Variants in PCYT2 observed in about 807,000 individuals in gnomAD.
The protein encoded by PCYT2 is ethanolamine-phosphate cytidylyltransferase.
A neutral mutation model predicts 50.0 loss-of-function variants in PCYT2; 33 were observed. That is an observed-to-expected ratio of 0.66 (90% confidence interval 0.50 to 0.88). The LOEUF (loss-of-function observed/expected upper bound fraction) is 0.88. PCYT2 is among the 40% of genes least tolerant of loss of function. The pLI, the probability that PCYT2 is intolerant of heterozygous loss-of-function variation, is 0.00. For missense variants in PCYT2, 430 were observed against 519.7 expected, an observed-to-expected ratio of 0.83 and a Z score of 1.68; for synonymous variants, 240 against 203.7, an observed-to-expected ratio of 1.18 and a Z score of -1.52.
In PCYT2 at chr17:81,910,784, C is replaced by T. The variant is rs571693561; in HGVS notation, c.89+483G>A. ...TGACAACCCGAAACTTTTCTTAAAA[C>T]AATGCCCTCTGACTGGCCAGGGAAG... is the stretch of plus-strand genomic sequence containing the variant. On this transcript the variant is annotated intron_variant, in intron 1 of 12. Transcript: ENST00000538936. 52 of 620,160 alleles carry T rather than the reference C, an allele frequency of 8.4e-5. No individual in the cohort carries two copies. The African/African-American group carries it at 1.0e-3, about 12-fold the overall frequency. 38.4% of individuals were successfully genotyped at this position (620,160 alleles called of 1,614,324 possible). A position where few individuals can be genotyped will look rare whatever the true frequency, so the allele number is the denominator to read the frequency against.
chr17:81,907,856 C>T lies in PCYT2; in HGVS notation c.409G>A (p.Glu137Lys). The change falls in exon 5 of 13, where the codon GAA (glutamate) becomes AAA (lysine). Residue 137 changes from glutamate to lysine, a missense_variant and splice_region_variant. Around this residue, in one of 4 missense-constraint regions of PCYT2, gnomAD observed 117 missense variants for 163.9 expected, o/e 0.71. Coordinates refer to ENST00000538936, the MANE Select transcript of PCYT2 (RefSeq NM_002861.5). Reference protein sequence around the residue: ...EEVKQAGRYRECKRTQGVSTT... With the variant: ...EEVKQAGRYRKCKRTQGVSTT... ...GACACCCCTTGCGTGCGCTTGCATT[C>T]TCTGGGGGACACAGTGGGAGTGGGG... 1 of 1,605,186 alleles carries T rather than the reference C, an allele frequency of 6.2e-7. No homozygotes were observed. Among genetic ancestry groups the T allele is most frequent in the Non-Finnish European group, 8.5e-7 (1 of 1,174,888 alleles).
Position 81,909,057 on chromosome 17 carries a change from G to T in PCYT2, c.179-20C>A, listed in dbSNP as rs767506702. On this transcript the variant is annotated intron_variant, in intron 2 of 12. Transcript: ENST00000538936. ...TCTCCTCTAGGAAAAGGACAACGGGGAGACTGGGGACCCCAGCCCACCCGG... is the reference window on the plus strand; with the variant it reads ...TCTCCTCTAGGAAAAGGACAACGGGTAGACTGGGGACCCCAGCCCACCCGG... 3.1e-6 allele frequency: 5 copies of T among 1,606,212 alleles called. No homozygotes were observed. The highest frequency in any genetic ancestry group is 4.3e-6 in the Non-Finnish European group (5 of 1,175,756).
intron 7 of PCYT2, 79 bp from the exon 8 acceptor site, chr17:81,906,625 C>G: frequency 6.4e-7 from 1 of 1,572,810 alleles, no homozygotes. Flanking sequence ...AGGGCCTCCC[C>G]GCCATCCTCC....
chr17:81,902,821 G>T lies in PCYT2; in HGVS notation c.*2012C>A. On this transcript the variant is annotated 3_prime_UTR_variant, in exon 13 of 13. Coordinates refer to ENST00000538936, the MANE Select transcript of PCYT2 (RefSeq NM_002861.5). ...CCACTCGGTGACCCCAGGCCCCTCC[G>T]GCGCGGGATGGCGCCCCAGGTCTCC... The T allele has an allele frequency of 7.4e-7, 1 of 1,352,758 alleles. No individual in the cohort carries two copies. The highest frequency in any genetic ancestry group is 1.4e-5 in the South Asian group (1 of 71,254). 83.8% of individuals were successfully genotyped at this position (1,352,758 alleles called of 1,614,324 possible).
chr17:81,906,718 C>A lies in PCYT2; in HGVS notation c.676+42G>T. The A allele has an allele frequency of 3.1e-6, 5 of 1,606,940 alleles. No individual in the cohort carries two copies. The East Asian group carries it at 1.1e-4, about 36-fold the overall frequency. On this transcript the variant is annotated intron_variant, in intron 7 of 12. Transcript: ENST00000538936. ...CAAGTGAGGCCCCCGGGTCCCACCCCATGTGGCACATGTAGGGGAGCAGCA... is the reference window on the plus strand; with the variant it reads ...CAAGTGAGGCCCCCGGGTCCCACCCAATGTGGCACATGTAGGGGAGCAGCA...
rs756321485 is a variant in PCYT2, at chr17:81,908,955, G to A, written c.261C>T (p.Asp87=). Reference sequence around the variant, plus strand: ...CGTAGGGAGCCGCTGGCACCACCTCGTCCACCCATTTGATGGCCTGCACCA... The same window carrying A: ...CGTAGGGAGCCGCTGGCACCACCTCATCCACCCATTTGATGGCCTGCACCA... ...YKMVQAIKWV[D]EVVPAAPYVT... Residue 87 remains aspartate, a synonymous_variant, in exon 3 of 13, where the codon GAC becomes GAT. Transcript: ENST00000538936. The A allele has an allele frequency of 3.5e-5, 56 of 1,613,820 alleles. No individual in the cohort carries two copies. The highest frequency in any genetic ancestry group is 9.9e-5 in the South Asian group (9 of 91,088).
At chr17:81,906,954 C>T (rs1420823098) in intron 6 of PCYT2, 56 bp from the exon 7 acceptor site, 22 of 1,559,574 alleles carry the variant, frequency 1.4e-5, no homozygotes, top group Non-Finnish European at 1.7e-5. Context: ...GTGCTGCCCT[C>T]ACCAGGTCAC....
Position 81,906,906 on chromosome 17 carries a change from C to T in PCYT2, c.538-8G>A. ...GTTCCGCCCACCAGGGCACTGCAAG[C>T]CAAGAGAGGGAGCAGGTTGGCGGGG... On this transcript the variant is annotated splice_polypyrimidine_tract_variant and splice_region_variant and intron_variant, in intron 6 of 12. Transcript: ENST00000538936. 6.2e-7 allele frequency: 1 copy of T among 1,611,664 alleles called. No individual in the cohort carries two copies. The highest frequency in any genetic ancestry group is 8.5e-7 in the Non-Finnish European group (1 of 1,179,156).
At position 81,911,314 on chromosome 17, in the gene PCYT2, C is replaced by G; in HGVS notation, c.42G>C (p.Gln14His). 2.6e-6 allele frequency: 3 copies of G among 1,132,938 alleles called. No individual in the cohort carries two copies. Among genetic ancestry groups the G allele is most frequent in the Non-Finnish European group, 3.3e-6 (3 of 911,240 alleles). The allele number at this position is 1,132,938 out of a possible 1,614,324, so 70.2% of individuals were successfully genotyped here. Reference sequence around the variant, plus strand: ...CGGCGCGCCTGCCCCCCGGGCCCGGCTGCTCTGCGCCGCCTGCAGCCCCGC... The same window carrying G: ...CGGCGCGCCTGCCCCCCGGGCCCGGGTGCTCTGCGCCGCCTGCAGCCCCGC... ...NGRGAAGGAEQPGPGGRRAVR... is the reference protein window; with the variant it reads ...NGRGAAGGAEHPGPGGRRAVR... Residue 14 changes from glutamine (Q) to histidine (H), a missense_variant, in exon 1 of 13, where the codon CAG (glutamine) becomes CAC (histidine). By Grantham distance (24) the Gln-to-His change is conservative. Coordinates refer to ENST00000538936, the MANE Select transcript of PCYT2 (RefSeq NM_002861.5).
Position 81,902,514 on chromosome 17 carries a change from G to A in PCYT2, c.*2319C>T. On this transcript the variant is annotated 3_prime_UTR_variant, in exon 13 of 13. Transcript: ENST00000538936. Reference sequence around the variant, plus strand: ...CCCCGGAGCTGCAACTGCACCCCAGGCTGCGGAGCCTCGTGAGTCCGGCGT... The same window carrying A: ...CCCCGGAGCTGCAACTGCACCCCAGACTGCGGAGCCTCGTGAGTCCGGCGT... 1 of 1,444,674 alleles carries A rather than the reference G, an allele frequency of 6.9e-7. No homozygotes were observed. The highest frequency in any genetic ancestry group is 9.0e-7 in the Non-Finnish European group (1 of 1,105,622). 89.5% of individuals were successfully genotyped at this position (1,444,674 alleles called of 1,614,324 possible). A position where few individuals can be genotyped will look rare whatever the true frequency, so the allele number is the denominator to read the frequency against.
chr17:81,907,674 G>C, intron 5 of PCYT2, 76 bp from the exon 6 acceptor site: 8 of 1,597,510 alleles, frequency 5.0e-6, no homozygotes, highest in Non-Finnish European at 6.8e-6. Context: ...TGGGGATGGG[G>C]AGCAGTGGGC....
In PCYT2 at chr17:81,911,309, C is replaced by T; in HGVS notation, c.47G>A (p.Gly16Asp). The T allele has an allele frequency of 8.8e-7, 1 of 1,136,524 alleles. No individual in the cohort carries two copies. Among genetic ancestry groups the T allele is most frequent in the Non-Finnish European group, 1.1e-6 (1 of 913,304 alleles). The allele number at this position is 1,136,524 out of a possible 1,614,324, so 70.4% of individuals were successfully genotyped here. Residue 16 changes from glycine (G) to aspartate (D), a missense_variant, in exon 1 of 13, where the codon GGC becomes GAC. Physicochemically the swap from Gly to Asp is moderately conservative, Grantham distance 94. This residue lies in a region of PCYT2 where 63 missense variants were observed against 37.5 expected (regional missense o/e 1.68). Coordinates refer to ENST00000538936, the MANE Select transcript of PCYT2 (RefSeq NM_002861.5). ...CCTCACGGCGCGCCTGCCCCCCGGG[C>T]CCGGCTGCTCTGCGCCGCCTGCAGC... ...RGAAGGAEQP[G>D]PGGRRAVRVW...
Position 81,904,746 on chromosome 17 carries a change from G to A in PCYT2, c.*87C>T, listed in dbSNP as rs1163914044. 4.7e-6 allele frequency: 4 copies of A among 852,004 alleles called. No homozygotes were observed. Among genetic ancestry groups the A allele is most frequent in the Non-Finnish European group, 7.2e-6 (4 of 555,324 alleles). 52.8% of individuals were successfully genotyped at this position (852,004 alleles called of 1,614,324 possible). A position where few individuals can be genotyped will look rare whatever the true frequency, so the allele number is the denominator to read the frequency against. ...AGCCCTTCCAGAGCCAGGCCAGTTAGAGAGGGCGGCCCTGCAGAGTCCTAT... is the reference window on the plus strand; with the variant it reads ...AGCCCTTCCAGAGCCAGGCCAGTTAAAGAGGGCGGCCCTGCAGAGTCCTAT... On this transcript the variant is annotated 3_prime_UTR_variant, in exon 13 of 13. Coordinates refer to ENST00000538936, the MANE Select transcript of PCYT2 (RefSeq NM_002861.5).
intron 11 of PCYT2, 62 bp from the exon 12 acceptor site, chr17:81,905,216 G>T: frequency 6.9e-7 from 1 of 1,449,900 alleles, no homozygotes; most frequent in Non-Finnish European, 9.5e-7. Flanking sequence ...AGACCCATCT[G>T]ATGCCCTGCC....
At chr17:81,906,626 G>T (rs907024598) in intron 7 of PCYT2, 80 bp from the exon 8 acceptor site, 90 of 1,570,744 alleles carry the variant, frequency 5.7e-5, no homozygotes, top group Non-Finnish European at 7.4e-5. Flanking sequence ...GGGCCTCCCC[G>T]CCATCCTCCC....
Position 81,905,398 on chromosome 17 carries a change from C to T in PCYT2, c.953G>A (p.Gly318Asp), listed in dbSNP as rs1277175463. The T allele has an allele frequency of 1.3e-6, 2 of 1,561,390 alleles. No individual in the cohort carries two copies. The highest frequency in any genetic ancestry group is 1.7e-6 in the Non-Finnish European group (2 of 1,152,736). The change falls in exon 11 of 13, where the codon GGC (glycine) becomes GAC (aspartate). Residue 318 changes from glycine to aspartate, a missense_variant. Physicochemically the swap from Gly to Asp is moderately conservative, Grantham distance 94. Around this residue, in one of 4 missense-constraint regions of PCYT2, gnomAD observed 248 missense variants for 300.2 expected, o/e 0.83. Transcript: ENST00000538936. ...GKTEIIPDRD[G>D]SDPYQEPKRR... is the part of the protein sequence containing the mutation. ...ATGACCCACCTGGTATGGGTCGGAG[C>T]CATCCCTGTCAGGGATAATTTCTGT...
intron 1 of PCYT2, chr17:81,910,855 G>A: frequency 2.0e-6 from 2 of 985,162 alleles, no homozygotes; most frequent in Non-Finnish European, 1.2e-6. Flanking sequence ...GGAGCCCGCG[G>A]GCTTCACCGC....
intron 4 of PCYT2, 76 bp from the exon 5 acceptor site, chr17:81,907,933 A>T: frequency 8.1e-7 from 1 of 1,231,018 alleles, no homozygotes; most frequent in Non-Finnish European, 1.2e-6. Context: ...ACCACTAGGG[A>T]CACTAGCAGC....
At position 81,901,442 on chromosome 17, in the gene PCYT2, A is replaced by T. The variant is rs112561300; in HGVS notation, c.*3391T>A. The T allele has an allele frequency of 2.0e-5, 3 of 152,336 alleles. No individual in the cohort carries two copies. Among genetic ancestry groups the T allele is most frequent in the Non-Finnish European group, 1.5e-5 (1 of 68,094 alleles). 9.4% of individuals were successfully genotyped at this position (152,336 alleles called of 1,614,324 possible). The stretch of plus-strand genomic sequence containing the variant: ...CTTCAATCCAGTCAAGCTGACACTC[A>T]GCATTCACCATCACACCTGGGAAGC... On this transcript the variant is annotated 3_prime_UTR_variant, in exon 13 of 13. Transcript: ENST00000538936.
Sources: allele counts gnomAD v4.1 joint callset, GRCh38; gene constraint gnomAD v4.1.1; regional missense constraint gnomAD v4.1.1; transcripts MANE v1.5; gene names NCBI Gene and HGNC (gene_info 2026-07-23, HGNC 2026-07-21).